DAAM1: variants seen among roughly 807,000 people sequenced by gnomAD.
The protein encoded by DAAM1 is disheveled-associated activator of morphogenesis 1.
A neutral mutation model predicts 130.0 loss-of-function variants in DAAM1; 52 were observed. The observed-to-expected ratio is 0.40, with a 90% CI of 0.32 to 0.50. DAAM1 has a LOEUF of 0.50. Ranked by LOEUF, DAAM1 falls within the 20% of genes least tolerant of loss-of-function variation. The pLI is 0.61. For synonymous variants in DAAM1, 452 were observed against 444.5 expected (o/e 1.02, Z -0.21); for missense variants, 1,134 against 1,303.8 (o/e 0.87, Z 2.01).
intron 2 of DAAM1, among the ~76,000 whole-genome samples, chr14:59,273,751 G>C (rs984700160): frequency 6.6e-6 from 1 of 152,204 alleles, no homozygotes; most frequent in Non-Finnish European, 1.5e-5. Context: ...GTTTAGGTAA[G>C]CTTTTAAGCG....
At chr14:59,331,168 T>C (rs1039830516) in intron 13 of DAAM1, 41 bp from the exon 14 acceptor site, 2 of 1,601,596 alleles carry the variant, frequency 1.2e-6, no homozygotes, top group African/African-American at 2.7e-5. Flanking sequence ...ATGAATTTAC[T>C]TCTTCCATTG....
At chr14:59,287,589 C>T (rs1394260100) in intron 2 of DAAM1, among the ~76,000 whole-genome samples, 1 of 152,128 alleles carries the variant, frequency 6.6e-6, no homozygotes, top group Non-Finnish European at 1.5e-5. Flanking sequence ...TTACAGGATG[C>T]AAAACCAATG....
intron 22 of DAAM1, chr14:59,363,364 A>G (rs1408073715): frequency 7.7e-6 from 2 of 259,790 alleles, no homozygotes; most frequent in Non-Finnish European, 1.5e-5. Context: ...TTTTATCCAA[A>G]TGCAAATCTG....
chr14:59,221,391 A>G (rs1438511786), intron 1 of DAAM1, among the ~76,000 whole-genome samples: 3 of 152,252 alleles, frequency 2.0e-5, no homozygotes, highest in East Asian at 1.9e-4. Context: ...GGTAATTACA[A>G]TCTTCCTTTC....
At chr14:59,270,890 G>A (rs981184834) in intron 2 of DAAM1, among the ~76,000 whole-genome samples, 3 of 152,052 alleles carry the variant, frequency 2.0e-5, no homozygotes, top group Non-Finnish European at 4.4e-5. Flanking sequence ...GAGATTTTAC[G>A]TAAAAAATCC....
Position 59,366,309 on chromosome 14 carries a change from C to T in DAAM1, c.2827-1120C>T, listed in dbSNP as rs544635006. On this transcript the variant is annotated intron_variant, in intron 23 of 24. Coordinates refer to ENST00000360909, the MANE Select transcript of DAAM1 (RefSeq NM_001270520.2). ...GAATAAAATTGTATTCTCAGTCATA[C>T]ACTTTGGGTTGCATTAAAGATTCCA... 2.0e-5 allele frequency among the ~76,000 whole-genome samples: 3 copies of T among 152,252 alleles called. No individual in the cohort carries two copies. In the South Asian group the frequency reaches 6.2e-4, roughly 32 times the overall value.
chr14:59,362,517 C>A (rs1233249244), intron 22 of DAAM1: 1 of 151,984 alleles, frequency 6.6e-6, no homozygotes, highest in Non-Finnish European at 1.5e-5. Flanking sequence ...ACTCACTTTC[C>A]AAGCTAAAGT....
At chr14:59,298,162 C>T (rs1247120006) in intron 3 of DAAM1, among the ~76,000 whole-genome samples, 2 of 152,206 alleles carry the variant, frequency 1.3e-5, no homozygotes, top group Non-Finnish European at 2.9e-5. Flanking sequence ...AGCGGGACCA[C>T]TGGGACATGG....
At chr14:59,367,286 C>T in intron 23 of DAAM1, 143 bp from the exon 24 acceptor site, 1 of 1,368,394 alleles carries the variant, frequency 7.3e-7, no homozygotes, top group Non-Finnish European at 9.5e-7. Context: ...ACTCCATCTC[C>T]AAAAGAAAGA....
chr14:59,202,635 T>G, intron 1 of DAAM1, among the ~76,000 whole-genome samples: 1 of 152,232 alleles, frequency 6.6e-6, no homozygotes, highest in South Asian at 2.1e-4. Context: ...TAAGTAAAGC[T>G]CAGATTATCC....
intron 1 of DAAM1, among the ~76,000 whole-genome samples, chr14:59,205,517 G>A (rs1566648317): frequency 6.6e-6 from 1 of 152,142 alleles, no homozygotes; most frequent in African/African-American, 2.4e-5. Flanking sequence ...ATTCTTAAAG[G>A]AGAAAGACAT....
intron 16 of DAAM1, among the ~76,000 whole-genome samples, chr14:59,343,932 TTCCTCAGG>T (rs937481041): frequency 2.6e-5 from 4 of 152,198 alleles, no homozygotes; most frequent in African/African-American, 9.6e-5. Flanking sequence ...CTTAGAGACG[TTCCTCAGG>T]TCCTCAGGGA....
intron 24 of DAAM1, 67 bp from the exon 25 acceptor site, chr14:59,368,583 A>C: frequency 1.3e-6 from 2 of 1,488,610 alleles, no homozygotes; most frequent in Non-Finnish European, 1.8e-6. Context: ...CAAGGAATTG[A>C]CCTCTACTGC....
intron 3 of DAAM1, among the ~76,000 whole-genome samples, chr14:59,305,613 C>A (rs1350300738): frequency 6.6e-6 from 1 of 152,158 alleles, no homozygotes; most frequent in South Asian, 2.1e-4. Flanking sequence ...TCCCCCACAT[C>A]CCCTCTAACC....
At chr14:59,283,644 C>A (rs1275193983) in intron 2 of DAAM1, among the ~76,000 whole-genome samples, 2 of 152,154 alleles carry the variant, frequency 1.3e-5, no homozygotes, top group Non-Finnish European at 2.9e-5. Context: ...GTTGATTTGC[C>A]AATCCTCACA....
At chr14:59,269,888 A>G (rs955703161) in intron 2 of DAAM1, among the ~76,000 whole-genome samples, 9 of 152,214 alleles carry the variant, frequency 5.9e-5, no homozygotes, top group Non-Finnish European at 1.2e-4. Flanking sequence ...CGCATAAAAA[A>G]ACAGGAAGCT....
At chr14:59,289,898 G>T (rs147567941) in intron 2 of DAAM1, among the ~76,000 whole-genome samples, 1 of 151,728 alleles carries the variant, frequency 6.6e-6, no homozygotes, top group African/African-American at 2.4e-5. Flanking sequence ...ACGAAATATC[G>T]CATGTTCTCA....
intron 3 of DAAM1, among the ~76,000 whole-genome samples, chr14:59,302,626 A>G (rs1165042932): frequency 1.3e-5 from 2 of 152,044 alleles, no homozygotes; most frequent in Non-Finnish European, 2.9e-5. Flanking sequence ...CAGAACAGCA[A>G]TCTTTGGCCC....
At chr14:59,293,756 A>C (rs1883843244) in intron 3 of DAAM1, among the ~76,000 whole-genome samples, 1 of 152,186 alleles carries the variant, frequency 6.6e-6, no homozygotes, top group Non-Finnish European at 1.5e-5. Flanking sequence ...TCTGAAACTG[A>C]ATTTTTGGTC....
Sources: allele counts gnomAD v4.1 joint callset (sites outside exome capture counted in the v4.1 genomes callset), GRCh38; gene constraint gnomAD v4.1.1; transcripts MANE v1.5; gene names NCBI Gene and HGNC (gene_info 2026-07-23, HGNC 2026-07-21).